Variants in SPEF2 observed in about 807,000 individuals in gnomAD.
SPEF2 encodes the protein sperm flagellar and cilia associated 2.
A neutral mutation model predicts 224.6 loss-of-function variants in SPEF2; 187 were observed. The observed-to-expected ratio is 0.83, with a 90% CI of 0.74 to 0.94. The LOEUF (loss-of-function observed/expected upper bound fraction) is 0.94. Ranked by LOEUF, SPEF2 falls within the 40% of genes least tolerant of loss-of-function variation. The pLI, the probability that SPEF2 is intolerant of heterozygous loss-of-function variation, is 0.00. For missense variants in SPEF2, 2,170 were observed against 2,135.6 expected (o/e 1.02, Z -0.32); for synonymous variants, 715 against 707.3 (o/e 1.01, Z -0.17).
chr5:35,751,084 C>CGT (rs1561305775), intron 23 of SPEF2, among the ~76,000 whole-genome samples: 5 of 10,912 alleles, frequency 4.6e-4, no homozygotes, highest in Non-Finnish European at 7.5e-4. Context: ...TATATACACA[C>CGT]ACACACACAC....
At chr5:35,762,623 TCTC>T (rs1282818108) in intron 25 of SPEF2, among the ~76,000 whole-genome samples, 1 of 152,112 alleles carries the variant, frequency 6.6e-6, no homozygotes, top group Admixed American at 6.6e-5. Context: ...TGATTCTGAC[TCTC>T]CTCCTCTAGT....
chr5:35,627,655 GTGGCAGGCA>G (rs1232837750), intron 1 of SPEF2, among the ~76,000 whole-genome samples: 1 of 152,146 alleles, frequency 6.6e-6, no homozygotes, highest in African/African-American at 2.4e-5. Flanking sequence ...TGCCTACTAT[GTGGCAGGCA>G]TGGCACCCAG....
chr5:35,697,994 G>C, intron 15 of SPEF2: 2 of 412,490 alleles, frequency 4.8e-6, no homozygotes, highest in Non-Finnish European at 8.7e-6. Context: ...TACCAAGCTT[G>C]ACTTCTTTTA....
At position 35,617,947 on chromosome 5, in the gene SPEF2, T is replaced by G; in HGVS notation, c.-51T>G. The G allele has an allele frequency of 1.9e-6, 3 of 1,543,658 alleles. No individual in the cohort carries two copies. The highest frequency in any genetic ancestry group is 2.6e-6 in the Non-Finnish European group (3 of 1,138,194). ...GAGGACGCGGGCTGGCAGGCTTGGT[T>G]CCTGGCGAGTTTCTAAGCCCCCGCC... On this transcript the variant is annotated 5_prime_UTR_variant, in exon 1 of 37. Transcript: ENST00000356031.
intron 27 of SPEF2, among the ~76,000 whole-genome samples, chr5:35,772,508 C>T (rs1402956090): frequency 1.3e-5 from 2 of 152,086 alleles, no homozygotes; most frequent in Admixed American, 6.5e-5. Context: ...AGGGGAGGTA[C>T]AAGTACCTTA....
At chr5:35,699,956 G>A (rs1264374964) in intron 15 of SPEF2, 1 of 153,226 alleles carries the variant, frequency 6.5e-6, no homozygotes, top group African/African-American at 2.4e-5. Context: ...GTTGTGGGAG[G>A]GACCTGGTGG....
chr5:35,751,784 T>G (rs1749695051), intron 23 of SPEF2, among the ~76,000 whole-genome samples: 1 of 152,218 alleles, frequency 6.6e-6, no homozygotes, highest in African/African-American at 2.4e-5. Flanking sequence ...TTCAAATTAA[T>G]TTCTGGCTCT....
chr5:35,786,387 T>G (rs1755123003), intron 30 of SPEF2, among the ~76,000 whole-genome samples: 1 of 152,014 alleles, frequency 6.6e-6, no homozygotes, highest in Admixed American at 6.6e-5. Flanking sequence ...AGGCTGGGCG[T>G]GGTGGCTCAC....
In SPEF2 at chr5:35,632,011, C is replaced by T. The variant is rs543427397; in HGVS notation, c.161+3449C>T. Among the ~76,000 whole-genome samples the T allele has an allele frequency of 4.6e-5, 7 of 152,306 alleles. No homozygotes were observed. In the South Asian group the frequency reaches 1.2e-3, roughly 27 times the overall value. The stretch of plus-strand genomic sequence containing the variant: ...TCCGTATCACTGTCAGCATTTTGGT[C>T]AAAGCCATTCAATAAGTCTCTAGGA... On this transcript the variant is annotated intron_variant, in intron 2 of 36. Coordinates refer to ENST00000356031, the MANE Select transcript of SPEF2 (RefSeq NM_024867.4).
intron 30 of SPEF2, chr5:35,791,199 C>T (rs1393819395): frequency 6.6e-6 from 1 of 152,150 alleles, no homozygotes; most frequent in African/African-American, 2.4e-5. Context: ...GCTCTCATGT[C>T]TATAAAACTG....
At chr5:35,666,989 A>G in intron 8 of SPEF2, 83 bp from the exon 9 acceptor site, 1 of 1,313,412 alleles carries the variant, frequency 7.6e-7, no homozygotes, top group African/African-American at 1.5e-5. Context: ...TTCTACTGAA[A>G]GACTTTTTGG....
chr5:35,810,028 A>G (rs1219170132), intron 36 of SPEF2, among the ~76,000 whole-genome samples: 2 of 152,144 alleles, frequency 1.3e-5, no homozygotes, highest in African/African-American at 2.4e-5. Context: ...CTCCCACAAA[A>G]TCAGTATGAC....
At chr5:35,789,823 C>T (rs1344101458) in intron 30 of SPEF2, 2 of 702,696 alleles carry the variant, frequency 2.8e-6, no homozygotes, top group Non-Finnish European at 5.2e-6. Context: ...AAGAGGTATC[C>T]ATCCTGACTG....
At chr5:35,621,706 G>A (rs1236203196) in intron 1 of SPEF2, among the ~76,000 whole-genome samples, 2 of 152,182 alleles carry the variant, frequency 1.3e-5, no homozygotes, top group African/African-American at 4.8e-5. Flanking sequence ...GCCCATAGTT[G>A]CTTGTTGGGA....
chr5:35,774,256 G>C (rs772189386), intron 28 of SPEF2, among the ~76,000 whole-genome samples: 1 of 152,096 alleles, frequency 6.6e-6, no homozygotes, highest in Non-Finnish European at 1.5e-5. Flanking sequence ...CTGATGACAC[G>C]ATCTCAAAAA....
At chr5:35,682,596 T>C (rs1256189360) in intron 10 of SPEF2, among the ~76,000 whole-genome samples, 1 of 152,130 alleles carries the variant, frequency 6.6e-6, no homozygotes, top group East Asian at 1.9e-4. Context: ...CTGGATTATA[T>C]GTACCTTCAG....
chr5:35,722,381 A>T (rs953677134), intron 20 of SPEF2, among the ~76,000 whole-genome samples: 4 of 152,006 alleles, frequency 2.6e-5, no homozygotes, highest in African/African-American at 9.7e-5. Context: ...CATGGGATTC[A>T]TGGGGGTTGG....
intron 26 of SPEF2, among the ~76,000 whole-genome samples, chr5:35,767,375 T>C (rs1362003078): frequency 6.6e-6 from 1 of 152,104 alleles, no homozygotes; most frequent in Non-Finnish European, 1.5e-5. Context: ...ATCTTCTCTG[T>C]GTCTTTTCTG....
chr5:35,659,866 T>C (rs1476068287), intron 8 of SPEF2, among the ~76,000 whole-genome samples: 1 of 151,816 alleles, frequency 6.6e-6, no homozygotes, highest in Non-Finnish European at 1.5e-5. Context: ...CTAGACACCA[T>C]TAGTCTTTAA....
Sources: gnomAD v4.1 joint callset for allele counts (sites outside exome capture counted in the v4.1 genomes callset) on GRCh38, gnomAD v4.1.1 for gene constraint, MANE v1.5 for transcripts, NCBI Gene and HGNC (gene_info 2026-07-23, HGNC 2026-07-21) for gene names.